The following PTPRK variants were observed in gnomAD, a reference collection of about 807,000 sequenced individuals.
PTPRK encodes the protein receptor-type tyrosine-protein phosphatase kappa.
In PTPRK, 75 loss-of-function variants were observed where a neutral mutation model predicts 178.0. The observed-to-expected ratio is 0.42, with a 90% CI of 0.35 to 0.51. PTPRK has a LOEUF of 0.51. Ranked by LOEUF, PTPRK falls within the 20% of genes least tolerant of loss-of-function variation. PTPRK has a pLI of 0.02. For synonymous variants in PTPRK, 637 were observed against 620.6 expected, an observed-to-expected ratio of 1.03 and a Z score of -0.39; for missense variants, 1,441 against 1,797.8, an observed-to-expected ratio of 0.80 and a Z score of 3.59.
At chr6:128,086,338 G>A (rs1785819042) in intron 8 of PTPRK, among the ~76,000 whole-genome samples, 1 of 151,986 alleles carries the variant, frequency 6.6e-6, no homozygotes, top group South Asian at 2.1e-4. Context: ...AGGCTTTTCT[G>A]CTGAGCTAAC....
At chr6:128,421,216 T>C (rs1005795109) in intron 1 of PTPRK, among the ~76,000 whole-genome samples, 14 of 152,196 alleles carry the variant, frequency 9.2e-5, no homozygotes, top group Non-Finnish European at 1.2e-4. Context: ...CTTAAAATTA[T>C]AAAGCAATAA....
Position 127,981,099 on chromosome 6 carries a change from A to T in PTPRK, c.3711+17T>A, listed in dbSNP as rs766172596. ...TTTCCACAACACTCTACACTAACAAAGAGGGCAGTCTCTTACGTCCATAAG... is the reference window on the plus strand; with the variant it reads ...TTTCCACAACACTCTACACTAACAATGAGGGCAGTCTCTTACGTCCATAAG... On this transcript the variant is annotated intron_variant, in intron 25 of 29. Transcript: ENST00000368226. The T allele has an allele frequency of 1.2e-6, 2 of 1,609,434 alleles. No individual in the cohort carries two copies.
At chr6:128,014,494 G>GTTACCAA (rs1779381352) in intron 13 of PTPRK, among the ~76,000 whole-genome samples, 1 of 151,476 alleles carries the variant, frequency 6.6e-6, no homozygotes, top group Non-Finnish European at 1.5e-5. Context: ...GTAGCTTTTA[G>GTTACCAA]GAATACCAAG....
Position 127,973,686 on chromosome 6 carries a change from C to T in PTPRK, c.4111G>A (p.Gly1371Ser). The T allele has an allele frequency of 6.2e-7, 1 of 1,613,910 alleles. No individual in the cohort carries two copies. Among genetic ancestry groups the T allele is most frequent in the South Asian group, 1.1e-5 (1 of 91,054 alleles). ...KWQEECEEGE[G>S]RTIIHCLNGG... is the part of the protein sequence containing the mutation. ...CACAGGCAGTGGATAATCGTCCGGC[C>T]TTCCCCTTCCTCGCATTCCTCCTGC... The change falls in exon 28 of 30, where the codon GGC (glycine) becomes AGC (serine). Residue 1371 changes from glycine (G) to serine (S), a missense_variant. By Grantham distance (56) the Gly-to-Ser change is moderately conservative. Coordinates refer to ENST00000368226, the MANE Select transcript of PTPRK (RefSeq NM_002844.4).
rs780556699 is a variant in PTPRK at position 128,184,595 on chromosome 6, T to C, written c.999A>G (p.Thr333=). 6.2e-7 allele frequency: 1 copy of C among 1,614,040 alleles called. No homozygotes were observed. Residue 333 remains threonine (T), a synonymous_variant, in exon 7 of 30, where the codon ACA becomes ACG. Transcript: ENST00000368226. ...IILKEVEYRM[T]SGSWTETHAV... ...CATGGGTTTCTGTCCAGGATCCTGATGTCATTCGGTACTCTACTTCTTTCA... is the reference window on the plus strand; with the variant it reads ...CATGGGTTTCTGTCCAGGATCCTGACGTCATTCGGTACTCTACTTCTTTCA...
intron 13 of PTPRK, among the ~76,000 whole-genome samples, chr6:128,059,208 AAT>A (rs1780412743): frequency 6.6e-6 from 1 of 151,550 alleles, no homozygotes; most frequent in Non-Finnish European, 1.5e-5. Context: ...GATTGCTTTA[AAT>A]CTACACATTA....
intron 2 of PTPRK, among the ~76,000 whole-genome samples, chr6:128,351,810 G>A (rs1833176429): frequency 6.6e-6 from 1 of 152,134 alleles, no homozygotes; most frequent in African/African-American, 2.4e-5. Flanking sequence ...GGGGCTTAGA[G>A]AGATGGGGTC....
At chr6:128,154,500 A>G (rs1797704872) in intron 7 of PTPRK, among the ~76,000 whole-genome samples, 1 of 151,774 alleles carries the variant, frequency 6.6e-6, no homozygotes, top group Non-Finnish European at 1.5e-5. Flanking sequence ...TTAATAGTCT[A>G]TATATCTTTG....
At chr6:128,363,805 T>C (rs1410039646) in intron 2 of PTPRK, among the ~76,000 whole-genome samples, 2 of 152,210 alleles carry the variant, frequency 1.3e-5, no homozygotes, top group Non-Finnish European at 2.9e-5. Flanking sequence ...TCTTCCTTTG[T>C]AAATCTATTT....
intron 2 of PTPRK, among the ~76,000 whole-genome samples, chr6:128,366,362 T>C (rs1170134470): frequency 6.6e-6 from 1 of 152,170 alleles, no homozygotes; most frequent in Non-Finnish European, 1.5e-5. Flanking sequence ...TGTACATAAA[T>C]ATGTTTCACA....
intron 1 of PTPRK, among the ~76,000 whole-genome samples, chr6:128,498,420 A>G (rs1855046246): frequency 6.6e-6 from 1 of 152,232 alleles, no homozygotes; most frequent in African/African-American, 2.4e-5. Flanking sequence ...ACGTTTACTC[A>G]GTTCAATAAA....
intron 2 of PTPRK, among the ~76,000 whole-genome samples, chr6:128,368,953 A>AC (rs112961282): frequency 6.6e-6 from 1 of 151,418 alleles, no homozygotes; most frequent in Admixed American, 6.6e-5. Context: ...AAACAAACAA[A>AC]AAAAAAAACA....
chr6:128,288,097 T>C (rs894134823), intron 3 of PTPRK, among the ~76,000 whole-genome samples: 1 of 152,182 alleles, frequency 6.6e-6, no homozygotes, highest in African/African-American at 2.4e-5. Flanking sequence ...ACAAAGATTA[T>C]TCTTCAGATT....
intron 10 of PTPRK, among the ~76,000 whole-genome samples, chr6:128,081,084 A>G (rs2114994897): frequency 6.6e-6 from 1 of 152,102 alleles, no homozygotes; most frequent in Non-Finnish European, 1.5e-5. Flanking sequence ...CAGTTTTGTT[A>G]GTTTATATAA....
At chr6:128,516,575 G>T (rs1311991438) in intron 1 of PTPRK, among the ~76,000 whole-genome samples, 1 of 152,146 alleles carries the variant, frequency 6.6e-6, no homozygotes, top group South Asian at 2.1e-4. Context: ...AAGTATAAGA[G>T]AAATTAATCT....
chr6:128,138,838 T>C (rs549297285), intron 7 of PTPRK, among the ~76,000 whole-genome samples: 6 of 152,062 alleles, frequency 3.9e-5, no homozygotes, highest in East Asian at 1.9e-4. Flanking sequence ...GGAAACTTAA[T>C]GGACATGTTC....
intron 3 of PTPRK, among the ~76,000 whole-genome samples, chr6:128,315,332 T>C (rs1391268998): frequency 6.6e-6 from 1 of 152,162 alleles, no homozygotes; most frequent in African/African-American, 2.4e-5. Flanking sequence ...CTATAGACCT[T>C]ATTTTTAAAC....
chr6:128,436,575 G>A lies in PTPRK; in HGVS notation c.101-38887C>T, dbSNP rs1235875710. ...AAGGTGCAGTGGCGCTAAATAATAA[G>A]TGCTAACAATCACTGTTGAGTGATT... On this transcript the variant is annotated intron_variant, in intron 1 of 29. Transcript: ENST00000368226. 3.9e-5 allele frequency among the ~76,000 whole-genome samples: 6 copies of A among 152,072 alleles called. No individual in the cohort carries two copies. The East Asian group carries it at 9.6e-4, about 24-fold the overall frequency.
intron 1 of PTPRK, among the ~76,000 whole-genome samples, chr6:128,413,622 C>T (rs1259387745): frequency 1.3e-5 from 2 of 152,124 alleles, no homozygotes; most frequent in African/African-American, 4.8e-5. Context: ...TGGCACGGCA[C>T]ATTTGAGAAA....
Sources: allele counts gnomAD v4.1 joint callset (sites outside exome capture counted in the v4.1 genomes callset), GRCh38; gene constraint gnomAD v4.1.1; transcripts MANE v1.5; gene names NCBI Gene and HGNC (gene_info 2026-07-23, HGNC 2026-07-21).